Variants in CDYL observed in about 807,000 individuals in gnomAD.
CDYL encodes the protein chromodomain Y-like protein.
CDYL carries 8 observed loss-of-function variants against 47.3 expected under a neutral mutation model. That is an observed-to-expected ratio of 0.17 (90% CI 0.10 to 0.31). The LOEUF (loss-of-function observed/expected upper bound fraction) is 0.31, where lower values mean the gene tolerates loss of function less well. CDYL is among the 10% of genes least tolerant of loss of function. The pLI is 1.00. For missense variants in CDYL, 471 were observed against 701.4 expected (o/e 0.67, Z 3.71); for synonymous variants, 266 against 265.0 (o/e 1.00, Z -0.04).
chr6:4,851,778 C>T (rs1045073065), intron 1 of CDYL, among the ~76,000 whole-genome samples: 6 of 152,190 alleles, frequency 3.9e-5, no homozygotes, highest in African/African-American at 1.4e-4. Context: ...ATGCACATGG[C>T]TGTCATTCTT....
At chr6:4,770,853 G>A (rs1758328130) in intron 3 of CDYL, among the ~76,000 whole-genome samples, 1 of 151,998 alleles carries the variant, frequency 6.6e-6, no homozygotes, top group African/African-American at 2.4e-5. Context: ...CCTTTGCAGG[G>A]GTTTGTTACC....
At chr6:4,913,840 T>C (rs1004112250) in intron 2 of CDYL, among the ~76,000 whole-genome samples, 9 of 152,238 alleles carry the variant, frequency 5.9e-5, no homozygotes, top group African/African-American at 1.9e-4. Flanking sequence ...TACAAAACTT[T>C]ATTCACAAAA....
At chr6:4,799,924 G>A (rs1280681609) in intron 1 of CDYL, among the ~76,000 whole-genome samples, 1 of 152,076 alleles carries the variant, frequency 6.6e-6, no homozygotes, top group Non-Finnish European at 1.5e-5. Context: ...AAATCACTAT[G>A]AAACGTCTTT....
At chr6:4,724,508 A>C (rs563546094) in intron 2 of CDYL, 1 of 152,624 alleles carries the variant, frequency 6.6e-6, no homozygotes, top group Non-Finnish European at 1.5e-5. Flanking sequence ...CACTGACTTC[A>C]AATGTGATGC....
At chr6:4,820,351 G>A (rs1234386948) in intron 1 of CDYL, among the ~76,000 whole-genome samples, 1 of 152,202 alleles carries the variant, frequency 6.6e-6, no homozygotes, top group Non-Finnish European at 1.5e-5. Flanking sequence ...CTTCCCTGAT[G>A]TTAGGCTATA....
rs1212971467 is a variant in CDYL at position 4,780,398 on chromosome 6, GCCCCCCCC to G, written c.24+3597_24+3604del. On this transcript the variant is annotated intron_variant, in intron 1 of 6. Transcript: ENST00000397588. ...ACAGACGTGCACCACCCCCGCCTAC[GCCCCCCCC>G]CCCCCGCCCCCGCCCCCGCCCCGGC... 6.5e-4 allele frequency among the ~76,000 whole-genome samples: 8 copies of G among 12,384 alleles called. 1 individual carries two copies. The allele number at this position is 12,384 out of a possible 152,430, so 8.1% of individuals were successfully genotyped here.
chr6:4,807,024 GCT>G (rs369696351), intron 1 of CDYL, among the ~76,000 whole-genome samples: 107 of 152,280 alleles, frequency 7.0e-4, no homozygotes, highest in African/African-American at 2.4e-3. Flanking sequence ...GTCCTCACAC[GCT>G]CTTTCCTCTG....
intron 2 of CDYL, among the ~76,000 whole-genome samples, chr6:4,929,450 A>C (rs1757969957): frequency 6.6e-6 from 1 of 150,578 alleles, no homozygotes; most frequent in African/African-American, 2.4e-5. Flanking sequence ...GTTTTTATCA[A>C]ATATGGAAAA....
upstream of CDYL, chr6:4,773,078 GAGTCTT>G: frequency 2.2e-6 from 1 of 456,610 alleles, no homozygotes; most frequent in South Asian, 1.6e-5. The surrounding 1 kb of genome is among the most constrained non-coding windows in gnomAD (Gnocchi z 4.6). Context: ...TTGATCTGAA[GAGTCTT>G]ATCGTCGGTA....
chr6:4,720,660 G>A (rs1374271264), intron 2 of CDYL, among the ~76,000 whole-genome samples: 1 of 152,154 alleles, frequency 6.6e-6, no homozygotes, highest in Non-Finnish European at 1.5e-5. Flanking sequence ...CCAACTCCTA[G>A]AAGGAAACAA....
chr6:4,917,414 G>T (rs1378732953), intron 2 of CDYL, among the ~76,000 whole-genome samples: 1 of 152,122 alleles, frequency 6.6e-6, no homozygotes, highest in East Asian at 1.9e-4. Context: ...GCTTCTTGTT[G>T]GGGTTTGTTA....
chr6:4,940,264 CTA>C (rs1758326267), intron 4 of CDYL, among the ~76,000 whole-genome samples: 1 of 152,198 alleles, frequency 6.6e-6, no homozygotes, highest in African/African-American at 2.4e-5. Context: ...CTTTATGTGA[CTA>C]TATTTTTGTC....
intron 3 of CDYL, among the ~76,000 whole-genome samples, chr6:4,739,741 T>C (rs1757763709): frequency 6.6e-6 from 1 of 151,798 alleles, no homozygotes; most frequent in African/African-American, 2.4e-5. Context: ...TCACCTGAGG[T>C]CAGGAGTTCG....
At chr6:4,754,643 C>T (rs1308992733) in intron 3 of CDYL, among the ~76,000 whole-genome samples, 1 of 152,136 alleles carries the variant, frequency 6.6e-6, no homozygotes, top group Non-Finnish European at 1.5e-5. Context: ...TTCCTATTTG[C>T]ATATTAAAAT....
At chr6:4,926,419 T>C (rs1757875571) in intron 2 of CDYL, among the ~76,000 whole-genome samples, 1 of 152,246 alleles carries the variant, frequency 6.6e-6, no homozygotes, top group African/African-American at 2.4e-5. Flanking sequence ...AAGACAACAG[T>C]GGTCATTAAT....
chr6:4,879,209 T>A (rs1761697479), intron 1 of CDYL, among the ~76,000 whole-genome samples: 1 of 152,224 alleles, frequency 6.6e-6, no homozygotes, highest in South Asian at 2.1e-4. Context: ...TTAATGTGAT[T>A]AAGAGTGCTG....
intron 3 of CDYL, among the ~76,000 whole-genome samples, chr6:4,746,918 A>T (rs539577605): frequency 9.2e-5 from 14 of 152,140 alleles, no homozygotes; most frequent in Non-Finnish European, 1.9e-4. Flanking sequence ...GTCCTGCTCC[A>T]TGCTGCGTTA....
Position 4,717,703 on chromosome 6 carries a change from C to CAAAAAA in CDYL, c.103+1854_103+1859dup, listed in dbSNP as rs200835710. 1.0e-3 allele frequency among the ~76,000 whole-genome samples: 51 copies of CAAAAAA among 49,346 alleles called. 1 individual carries two copies. Among genetic ancestry groups the CAAAAAA allele is most frequent in the African/African-American group, 4.3e-3 (46 of 10,726 alleles). The allele number at this position is 49,346 out of a possible 152,430, so 32.4% of individuals were successfully genotyped here. ...TTAGGCAACAGAACAAAGACCCTCA[C>CAAAAAA]AAAAAAAAAAAAAAAAAAAAAAAAA... On this transcript the variant is annotated intron_variant, in intron 2 of 8. Coordinates refer to the CDYL transcript ENST00000328908.
chr6:4,790,139 T>C (rs1398768955), intron 1 of CDYL, among the ~76,000 whole-genome samples: 1 of 152,228 alleles, frequency 6.6e-6, no homozygotes, highest in East Asian at 1.9e-4. Flanking sequence ...CTTTTGGATA[T>C]ATGCTGTATT....
Sources: gnomAD v4.1 joint callset for allele counts (sites outside exome capture counted in the v4.1 genomes callset) on GRCh38, gnomAD v4.1.1 for gene constraint, Gnocchi (gnomAD v3.1) non-coding constraint, MANE v1.5 for transcripts, NCBI Gene and HGNC (gene_info 2026-07-23, HGNC 2026-07-21) for gene names.